RAP1A: variants seen among roughly 807,000 people sequenced by gnomAD.
RAP1A encodes the protein ras-related protein Rap-1A.
A neutral mutation model predicts 26.4 loss-of-function variants in RAP1A; 6 were observed. That is an observed-to-expected ratio of 0.23 (90% CI 0.12 to 0.45). The LOEUF is 0.45. Ranked by LOEUF, RAP1A falls within the 20% of genes least tolerant of loss-of-function variation. RAP1A has a pLI of 0.99. For missense variants in RAP1A, 121 were observed against 217.2 expected, an observed-to-expected ratio of 0.56 and a Z score of 2.78; for synonymous variants, 73 against 79.4, an observed-to-expected ratio of 0.92 and a Z score of 0.43.
intron 1 of RAP1A, among the ~76,000 whole-genome samples, chr1:111,613,701 C>T (rs142605592): frequency 1.3e-5 from 2 of 152,320 alleles, no homozygotes; most frequent in East Asian, 1.9e-4. Flanking sequence ...TTCACCTAGA[C>T]GAGGCCACTA....
At chr1:111,603,461 A>G (rs1042715757) in intron 1 of RAP1A, among the ~76,000 whole-genome samples, 2 of 152,334 alleles carry the variant, frequency 1.3e-5, no homozygotes, top group African/African-American at 4.8e-5. Context: ...TCTGAGATGA[A>G]AGGTGCCAAG....
At chr1:111,651,049 G>A (rs1000892987) in intron 1 of RAP1A, among the ~76,000 whole-genome samples, 8 of 151,968 alleles carry the variant, frequency 5.3e-5, no homozygotes, top group African/African-American at 1.7e-4. Flanking sequence ...TGATCCGCCC[G>A]CCTCGGCCTC....
intron 1 of RAP1A, among the ~76,000 whole-genome samples, chr1:111,547,859 A>T (rs908530077): frequency 6.6e-6 from 1 of 152,134 alleles, no homozygotes. Flanking sequence ...GCTTTGTCTA[A>T]CTCTCTTAAA....
intron 1 of RAP1A, among the ~76,000 whole-genome samples, chr1:111,643,410 T>A (rs1659954712): frequency 6.6e-6 from 1 of 152,236 alleles, no homozygotes; most frequent in African/African-American, 2.4e-5. Flanking sequence ...TAAATTTCTC[T>A]GTACATTGGG....
intron 1 of RAP1A, among the ~76,000 whole-genome samples, chr1:111,611,401 T>C (rs1658924774): frequency 1.3e-5 from 2 of 152,216 alleles, no homozygotes; most frequent in South Asian, 4.1e-4. Context: ...CTCAGTTTGT[T>C]GTAAAGTGAC....
chr1:111,694,682 A>G lies in RAP1A; in HGVS notation c.58-659A>G, dbSNP rs190862236. On this transcript the variant is annotated intron_variant, in intron 2 of 7. Transcript: ENST00000369709. ...GAATCTCAGCTGGCAAATAGGAAGA[A>G]TAACTATTTCTGGGACAAATGTGAA... Among the ~76,000 whole-genome samples, 60 of 152,372 alleles carry G rather than the reference A, an allele frequency of 3.9e-4. 1 individual carries two copies. The East Asian group carries it at 0.011, about 27-fold the overall frequency.
rs542169079 is a variant in RAP1A, at chr1:111,671,980, C to T, written c.-27-19354C>T. On this transcript the variant is annotated intron_variant, in intron 1 of 7. Transcript: ENST00000369709. Reference sequence around the variant, plus strand: ...AATTACACTCTGTATGATTTCAGTCCATTGAAATTTCTTGAGACTTGATTT... The same window carrying T: ...AATTACACTCTGTATGATTTCAGTCTATTGAAATTTCTTGAGACTTGATTT... 2.6e-5 allele frequency among the ~76,000 whole-genome samples: 4 copies of T among 152,104 alleles called. No homozygotes were observed. The East Asian group carries it at 7.7e-4, about 29-fold the overall frequency.
chr1:111,680,871 A>G (rs898282001), intron 1 of RAP1A: 2 of 152,300 alleles, frequency 1.3e-5, no homozygotes, highest in Non-Finnish European at 2.9e-5. Context: ...AAGGAAGCCC[A>G]TGCAAAAACC....
rs576314977 is a variant in RAP1A, at chr1:111,551,052, C to T, written c.-28+8543C>T. ...TTGTCTGGTTTTAGGATAGCCACTT[C>T]AACTCTCTTTTTGCTACTGTTTGCA... On this transcript the variant is annotated intron_variant, in intron 1 of 7. Coordinates refer to the RAP1A transcript ENST00000356415. 2.6e-5 allele frequency among the ~76,000 whole-genome samples: 4 copies of T among 152,262 alleles called. No homozygotes were observed. The South Asian group carries it at 8.3e-4, about 32-fold the overall frequency.
chr1:111,604,604 G>A (rs1437950837), intron 1 of RAP1A: 2 of 152,122 alleles, frequency 1.3e-5, no homozygotes, highest in Non-Finnish European at 1.5e-5. Context: ...TCTTTATAAT[G>A]CTACAGCTTC....
In RAP1A at chr1:111,577,401, C is replaced by CAAAA. The variant is rs56156855; in HGVS notation, c.-28+34916_-28+34919dup. On this transcript the variant is annotated intron_variant, in intron 1 of 7. Transcript: ENST00000356415. Reference sequence around the variant, plus strand: ...TGGGCAACAGAGCAAGACTCCATCGCAAAAAAAAAAAAAAAAAAAAAAAAA... The same window carrying CAAAA: ...TGGGCAACAGAGCAAGACTCCATCGCAAAAAAAAAAAAAAAAAAAAAAAAAAAAA... Among the ~76,000 whole-genome samples, 52 of 29,054 alleles carry CAAAA rather than the reference C, an allele frequency of 1.8e-3. 3 individuals carry two copies. The highest frequency in any genetic ancestry group is 4.4e-3 in the African/African-American group (34 of 7,716). 19.1% of individuals were successfully genotyped at this position (29,054 alleles called of 152,430 possible).
intron 1 of RAP1A, among the ~76,000 whole-genome samples, chr1:111,553,121 C>T (rs1366472821): frequency 6.6e-6 from 1 of 152,178 alleles, no homozygotes; most frequent in Non-Finnish European, 1.5e-5. Flanking sequence ...CATGTTTCTT[C>T]CCATCTTGTA....
intron 1 of RAP1A, among the ~76,000 whole-genome samples, chr1:111,611,946 T>G (rs1658932855): frequency 6.6e-6 from 1 of 152,212 alleles, no homozygotes; most frequent in Non-Finnish European, 1.5e-5. Flanking sequence ...ACCACACTAT[T>G]CTGCCTTCTG....
chr1:111,685,924 A>G (rs1661459408), intron 1 of RAP1A, among the ~76,000 whole-genome samples: 1 of 152,164 alleles, frequency 6.6e-6, no homozygotes, highest in South Asian at 2.1e-4. Context: ...GCATATATAC[A>G]CATGGAATAC....
intron 1 of RAP1A, among the ~76,000 whole-genome samples, chr1:111,629,183 G>C (rs552838292): frequency 1.3e-5 from 2 of 152,218 alleles, no homozygotes; most frequent in African/African-American, 4.8e-5. Flanking sequence ...CAGCTTCTAA[G>C]TAAAATATAG....
intron 6 of RAP1A, among the ~76,000 whole-genome samples, chr1:111,707,676 A>G (rs1295345887): frequency 6.6e-6 from 1 of 152,236 alleles, no homozygotes; most frequent in Non-Finnish European, 1.5e-5. Flanking sequence ...CCAGATTAGT[A>G]TCAATAAGGG....
intron 1 of RAP1A, among the ~76,000 whole-genome samples, chr1:111,559,536 T>C (rs1163130037): frequency 6.6e-6 from 1 of 152,216 alleles, no homozygotes; most frequent in African/African-American, 2.4e-5. Flanking sequence ...TTTCTCACTT[T>C]GCCTCCTTTT....
chr1:111,645,912 G>A (rs1660050877), intron 1 of RAP1A, among the ~76,000 whole-genome samples: 1 of 152,234 alleles, frequency 6.6e-6, no homozygotes, highest in African/African-American at 2.4e-5. Flanking sequence ...GGGAGAAGAT[G>A]AAGGACTTAG....
intron 1 of RAP1A, among the ~76,000 whole-genome samples, chr1:111,646,633 C>T (rs1166305823): frequency 7.9e-5 from 12 of 151,978 alleles, no homozygotes; most frequent in South Asian, 2.1e-4. Context: ...CTCCACCTCC[C>T]GGGTTCACGC....
Sources: gnomAD v4.1 joint callset for allele counts (sites outside exome capture counted in the v4.1 genomes callset) on GRCh38, gnomAD v4.1.1 for gene constraint, MANE v1.5 for transcripts, NCBI Gene and HGNC (gene_info 2026-07-23, HGNC 2026-07-21) for gene names.